The following PLPP2 variants were observed in gnomAD, a reference collection of about 807,000 sequenced individuals.
The protein encoded by PLPP2 is PAP2-gamma.
In PLPP2, 29 loss-of-function variants were observed where a neutral mutation model predicts 35.2. The ratio of observed to expected loss-of-function variants is 0.82; its 90% CI spans 0.61 to 1.12. The LOEUF (loss-of-function observed/expected upper bound fraction) is 1.12, where lower values mean the gene tolerates loss of function less well. PLPP2 is among the 50% of genes most tolerant of loss of function. The pLI is 0.00. For missense variants in PLPP2, 353 were observed against 375.2 expected (o/e 0.94, Z 0.49); for synonymous variants, 162 against 167.0 (o/e 0.97, Z 0.23).
chr19:287,452 A>G lies in PLPP2; in HGVS notation c.482+22T>C, dbSNP rs767239204. ...TCAGCTCCCATTCCCCACAAGAGTGAAGGCTGCTGGTCCACACCCACCTGG... is the reference window on the plus strand; with the variant it reads ...TCAGCTCCCATTCCCCACAAGAGTGGAGGCTGCTGGTCCACACCCACCTGG... On this transcript the variant is annotated intron_variant, in intron 3 of 5. Coordinates refer to ENST00000434325, the MANE Select transcript of PLPP2 (RefSeq NM_003712.4). This position sits in a 1 kb window ranked among gnomAD's most constrained non-coding sequence, Gnocchi z 4.3. 1 of 1,593,532 alleles carries G rather than the reference A, an allele frequency of 6.3e-7. No homozygotes were observed.
At chr19:282,504 C>A (rs1457424141) in intron 4 of PLPP2, among the ~76,000 whole-genome samples, 194 bp from the exon 5 acceptor site, 1 of 138,992 alleles carries the variant, frequency 7.2e-6, no homozygotes, top group Non-Finnish European at 1.6e-5. Flanking sequence ...GGCGCTCCCC[C>A]TCCCCCTGCA....
chr19:282,288 C>G lies in PLPP2; in HGVS notation c.563G>C (p.Cys188Ser), dbSNP rs1450720485. ...TCGCAGCAGCCGTGCCCACTTCCAA[C>G]AGAGTCGTGCCTGCACATACAGCTG... ...FLALYVQARLCWKWARLLRPT... is the reference protein window; with the variant it reads ...FLALYVQARLSWKWARLLRPT... Residue 188 changes from cysteine to serine, a missense_variant, in exon 5 of 6, where the codon TGT becomes TCT. Coordinates refer to ENST00000434325, the MANE Select transcript of PLPP2 (RefSeq NM_003712.4). 6.2e-7 allele frequency: 1 copy of G among 1,613,690 alleles called. No homozygotes were observed. Among genetic ancestry groups the G allele is most frequent in the Non-Finnish European group, 8.5e-7 (1 of 1,179,862 alleles).
At chr19:282,411 C>A (rs1250015949) in intron 4 of PLPP2, 101 bp from the exon 5 acceptor site, 1 of 733,320 alleles carries the variant, frequency 1.4e-6, no homozygotes, top group African/African-American at 2.0e-5. Context: ...CGCTCCCCCT[C>A]CCCCTGCACA....
At chr19:282,830 G>T in intron 3 of PLPP2, 21 bp from the exon 4 acceptor site, 9 of 1,612,166 alleles carry the variant, frequency 5.6e-6, no homozygotes, top group Non-Finnish European at 7.6e-6. Context: ...AGAAGGGGCA[G>T]GTGGCTCACT....
intron 1 of PLPP2, among the ~76,000 whole-genome samples, chr19:289,399 C>T (rs12985425): frequency 0.77 from 117,049 of 151,978 alleles, 45,275 homozygotes; most frequent in Admixed American, 0.78. Context: ...AAAACAGAGG[C>T]CTGCCTCACC....
At chr19:289,583 G>A (rs1258673462) in intron 1 of PLPP2, among the ~76,000 whole-genome samples, 2 of 152,140 alleles carry the variant, frequency 1.3e-5, no homozygotes, top group African/African-American at 2.4e-5. Flanking sequence ...GTGTGGCGGT[G>A]TCCCAGCTCC....
In PLPP2 at chr19:281,463, C is replaced by A. The variant is rs994589910; in HGVS notation, c.792G>T (p.Lys264Asn). Residue 264 changes from lysine (K) to asparagine (N), a missense_variant, in exon 6 of 6, where the codon AAG becomes AAT. Lys to Asn is a moderately conservative substitution (Grantham distance 94, BLOSUM62 0). Transcript: ENST00000434325. ...HCLKEEELER[K>N]PSLSLTLTLG... ...GGGTCAACGTCAGTGACAGGCTGGG[C>A]TTCCGTTCCAGCTCCTCCTCCTTCA... 1 of 1,560,164 alleles carries A rather than the reference C, an allele frequency of 6.4e-7. No individual in the cohort carries two copies. The highest frequency in any genetic ancestry group is 8.7e-7 in the Non-Finnish European group (1 of 1,151,720).
intron 1 of PLPP2, among the ~76,000 whole-genome samples, chr19:289,795 A>G (rs1360548022): frequency 6.6e-6 from 1 of 152,098 alleles, no homozygotes; most frequent in Non-Finnish European, 1.5e-5. Flanking sequence ...GCTCCCACAC[A>G]GGAGGGGCTG....
chr19:283,036 A>G, intron 3 of PLPP2: 1 of 536,442 alleles, frequency 1.9e-6, no homozygotes. Context: ...GAAGACTCTG[A>G]GGCCTGAACC....
In PLPP2 at chr19:281,435, C is replaced by T. The variant is rs745758272; in HGVS notation, c.820G>A (p.Gly274Ser). 2 of 1,541,866 alleles carry T rather than the reference C, an allele frequency of 1.3e-6. No individual in the cohort carries two copies. Among genetic ancestry groups the T allele is most frequent in the Non-Finnish European group, 8.8e-7 (1 of 1,142,764 alleles). Residue 274 changes from glycine to serine, a missense_variant, in exon 6 of 6, where the codon GGC (glycine) becomes AGC (serine). Gly to Ser is a moderately conservative substitution (Grantham distance 56, BLOSUM62 0). Transcript: ENST00000434325. ...CCATAGTGGTTGTGGTCAGCCTCGCCCAGGGTCAACGTCAGTGACAGGCTG... is the reference window on the plus strand; with the variant it reads ...CCATAGTGGTTGTGGTCAGCCTCGCTCAGGGTCAACGTCAGTGACAGGCTG... ...KPSLSLTLTLGEADHNHYGYP... is the reference protein window; with the variant it reads ...KPSLSLTLTLSEADHNHYGYP...
intron 3 of PLPP2, chr19:285,838 C>G (rs1970264129): frequency 6.6e-6 from 1 of 151,582 alleles, no homozygotes; most frequent in African/African-American, 2.4e-5. Context: ...GTGGTGCACG[C>G]CTGTAGTCCT....
At chr19:288,194 G>A (rs758177834) in intron 1 of PLPP2, 23 bp from the exon 2 acceptor site, 12 of 1,551,398 alleles carry the variant, frequency 7.7e-6, no homozygotes, top group Non-Finnish European at 1.0e-5. Context: ...AAAAGCCTGG[G>A]AGCTGTGAGG....
chr19:289,857 G>C (rs139194491), intron 1 of PLPP2, among the ~76,000 whole-genome samples: 2 of 152,062 alleles, frequency 1.3e-5, no homozygotes, highest in African/African-American at 2.4e-5. Context: ...GTTGCCGGCC[G>C]GGTGGAAAGT....
At position 286,635 on chromosome 19, in the gene PLPP2, A is replaced by G. The variant is rs377456183; in HGVS notation, c.482+839T>C. On this transcript the variant is annotated intron_variant, in intron 3 of 5. Transcript: ENST00000434325. ...TTAAATGCCTTAATTCAATAAAAAG[A>G]TTAATATATAATTTAAAAAACATTA... The G allele has an allele frequency of 6.6e-5, 10 of 152,046 alleles. No individual in the cohort carries two copies. The East Asian group carries it at 1.7e-3, about 26-fold the overall frequency. The allele number at this position is 152,046 out of a possible 1,614,324, so 9.4% of individuals were successfully genotyped here.
chr19:289,680 C>T (rs1027277416), intron 1 of PLPP2, among the ~76,000 whole-genome samples: 2 of 151,764 alleles, frequency 1.3e-5, no homozygotes, highest in African/African-American at 2.4e-5. Flanking sequence ...ACCAGCCTGG[C>T]GACAGGGCGA....
intron 1 of PLPP2, among the ~76,000 whole-genome samples, chr19:289,170 C>T (rs1230227055): frequency 6.6e-6 from 1 of 152,152 alleles, no homozygotes; most frequent in African/African-American, 2.4e-5. Context: ...AGAGGGCAGG[C>T]GCACAACAAA....
Position 281,315 on chromosome 19 carries a change from C to T in PLPP2, c.*73G>A, listed in dbSNP as rs1010315655. 4 of 1,288,656 alleles carry T rather than the reference C, an allele frequency of 3.1e-6. No homozygotes were observed. In the African/African-American group the frequency reaches 6.1e-5, roughly 20 times the overall value. 79.8% of individuals were successfully genotyped at this position (1,288,656 alleles called of 1,614,324 possible). A position where few individuals can be genotyped will look rare whatever the true frequency, so the allele number is the denominator to read the frequency against. On this transcript the variant is annotated 3_prime_UTR_variant, in exon 6 of 6. Coordinates refer to ENST00000434325, the MANE Select transcript of PLPP2 (RefSeq NM_003712.4). ...CCGTCCAGAGCCCTCAGTGCCTAAC[C>T]AGGGCTGGAGGGACCACCTGGGTGG...
chr19:281,210 T>A lies in PLPP2; in HGVS notation c.*178A>T, dbSNP rs1970167164. ...CCAAATGCTGAGGGCTACCCAGGCA[T>A]CTCCAGACTCCTGGTCCAGTGCAGG... is the stretch of plus-strand genomic sequence containing the variant. On this transcript the variant is annotated 3_prime_UTR_variant, in exon 6 of 6. Transcript: ENST00000434325. The A allele has an allele frequency of 3.8e-6, 2 of 520,128 alleles. No homozygotes were observed. Among genetic ancestry groups the A allele is most frequent in the Non-Finnish European group, 5.9e-6 (2 of 337,452 alleles). 32.2% of individuals were successfully genotyped at this position (520,128 alleles called of 1,614,324 possible).
Position 287,438 on chromosome 19 carries a change from T to TC in PLPP2, c.482+35dup, listed in dbSNP as rs772907898. 1.9e-6 allele frequency: 3 copies of TC among 1,578,426 alleles called. No homozygotes were observed. The East Asian group carries it at 6.8e-5, about 36-fold the overall frequency. ...CTCCAGGGCCTTCTTCAGCTCCCAT[T>TC]CCCCACAAGAGTGAAGGCTGCTGGT... On this transcript the variant is annotated intron_variant, in intron 3 of 5. Transcript: ENST00000434325. The surrounding 1 kb of genome is among the most constrained non-coding windows in gnomAD (Gnocchi z 4.3).
Sources: allele counts gnomAD v4.1 joint callset (sites outside exome capture counted in the v4.1 genomes callset), GRCh38; gene constraint gnomAD v4.1.1; non-coding constraint Gnocchi (gnomAD v3.1); transcripts MANE v1.5; gene names NCBI Gene and HGNC (gene_info 2026-07-23, HGNC 2026-07-21).